FBRSL1: variants seen among roughly 807,000 people sequenced by gnomAD.
The protein encoded by FBRSL1 is fibrosin-1-like protein.
In FBRSL1, 51 loss-of-function variants were observed where a neutral mutation model predicts 89.6. That is an observed-to-expected ratio of 0.57 (90% CI 0.45 to 0.72). FBRSL1 has a LOEUF of 0.72. FBRSL1 is among the 30% of genes least tolerant of loss of function. The pLI is 0.00. For synonymous variants in FBRSL1, 779 were observed against 681.1 expected, an observed-to-expected ratio of 1.14 and a Z score of -2.24; for missense variants, 1,618 against 1,451.8, an observed-to-expected ratio of 1.11 and a Z score of -1.86.
chr12:132,573,060 G>A (rs1008487452), intron 11 of FBRSL1, among the ~76,000 whole-genome samples: 8 of 152,178 alleles, frequency 5.3e-5, no homozygotes, highest in African/African-American at 1.4e-4. Context: ...GTCCACACCC[G>A]CAGGGGACCT....
chr12:132,537,168 C>T (rs560071343), intron 4 of FBRSL1, among the ~76,000 whole-genome samples: 2 of 152,248 alleles, frequency 1.3e-5, no homozygotes, highest in African/African-American at 2.4e-5. Flanking sequence ...GCCGCCCTGT[C>T]GTGTGGTGGG....
chr12:132,514,817 G>A (rs180710028), intron 2 of FBRSL1, among the ~76,000 whole-genome samples: 1 of 152,292 alleles, frequency 6.6e-6, no homozygotes, highest in Admixed American at 6.5e-5. Flanking sequence ...ATAGAGTTAA[G>A]AAGAAATAAG....
At position 132,495,060 on chromosome 12, in the gene FBRSL1, C is replaced by T. The variant is rs60277073; in HGVS notation, c.291+4199C>T. Among the ~76,000 whole-genome samples the T allele has an allele frequency of 0.011, 1,737 of 152,320 alleles. 43 individuals carry two copies. In the East Asian group the frequency reaches 0.11, roughly 10 times the overall value. ...AACCCTGGTGGGCATAGGGTGTGAG[C>T]CTGGAGCCGGTGGGCCTTGGCCAAG... On this transcript the variant is annotated intron_variant, in intron 1 of 18. Coordinates refer to ENST00000680143, the MANE Select transcript of FBRSL1 (RefSeq NM_001367871.1).
At chr12:132,557,248 C>G (rs1329273031) in intron 5 of FBRSL1, among the ~76,000 whole-genome samples, 1 of 152,214 alleles carries the variant, frequency 6.6e-6, no homozygotes, top group Admixed American at 6.5e-5. Context: ...TGAACACCAC[C>G]GTCAAGTCCC....
At chr12:132,550,418 C>T (rs2038059872) in intron 5 of FBRSL1, among the ~76,000 whole-genome samples, 1 of 152,168 alleles carries the variant, frequency 6.6e-6, no homozygotes. Context: ...AAAGCGGGGG[C>T]ACGGTGCTGG....
At chr12:132,506,606 G>A (rs1015275863) in intron 1 of FBRSL1, among the ~76,000 whole-genome samples, 4 of 152,268 alleles carry the variant, frequency 2.6e-5, no homozygotes, top group East Asian at 1.9e-4. Context: ...GCAAACAGCC[G>A]TTCTCTGGGC....
At chr12:132,528,099 C>T (rs919881954) in intron 4 of FBRSL1, 111 bp downstream of exon 4, 59 of 961,942 alleles carry the variant, frequency 6.1e-5, no homozygotes, top group Non-Finnish European at 8.6e-5. Context: ...GTCCCGTGCC[C>T]GCTTTCCCTC....
chr12:132,576,706 T>A, intron 14 of FBRSL1, 93 bp from the exon 15 acceptor site: 1 of 1,426,536 alleles, frequency 7.0e-7, no homozygotes, highest in Admixed American at 2.3e-5. Flanking sequence ...CTGGACTGGC[T>A]CACACCCAGT....
chr12:132,536,897 G>A lies in FBRSL1; in HGVS notation c.615+8909G>A, dbSNP rs552182370. On this transcript the variant is annotated intron_variant, in intron 4 of 18. Transcript: ENST00000680143. Reference sequence around the variant, plus strand: ...AATGTATGTGGCTGTGCACATGTGTGTACGTAACGGTGTCTTTGCATGCAT... The same window carrying A: ...AATGTATGTGGCTGTGCACATGTGTATACGTAACGGTGTCTTTGCATGCAT... Among the ~76,000 whole-genome samples the A allele has an allele frequency of 9.8e-5, 15 of 152,364 alleles. No homozygotes were observed. The East Asian group carries it at 2.7e-3, about 27-fold the overall frequency.
At chr12:132,571,029 T>C in intron 8 of FBRSL1, 39 bp from the exon 9 acceptor site, 1 of 1,274,224 alleles carries the variant, frequency 7.8e-7, no homozygotes, top group Non-Finnish European at 9.9e-7. Context: ...GGACCCTGGC[T>C]CCCGGGGAGG....
At position 132,583,801 on chromosome 12, in the gene FBRSL1, CCGAG is replaced by C; in HGVS notation, c.*26_*29del. 1 of 1,184,068 alleles carries C rather than the reference CCGAG, an allele frequency of 8.4e-7. No homozygotes were observed. The highest frequency in any genetic ancestry group is 1.6e-5 in the African/African-American group (1 of 63,218). The allele number at this position is 1,184,068 out of a possible 1,614,324, so 73.3% of individuals were successfully genotyped here. A position where few individuals can be genotyped will look rare whatever the true frequency, so the allele number is the denominator to read the frequency against. Reference sequence around the variant, plus strand: ...TAGCCCCGGGGCCGCAGACGCCTCTCCGAGCGGAGCGCACCGCTGTCCGTCTCTC... The same window carrying C: ...TAGCCCCGGGGCCGCAGACGCCTCTCCGGAGCGCACCGCTGTCCGTCTCTC... On this transcript the variant is annotated 3_prime_UTR_variant, in exon 19 of 19. Transcript: ENST00000680143.
At chr12:132,521,013 C>T (rs1326809917) in intron 2 of FBRSL1, among the ~76,000 whole-genome samples, 1 of 152,204 alleles carries the variant, frequency 6.6e-6, no homozygotes, top group African/African-American at 2.4e-5. Context: ...CCTGCCCTGC[C>T]CTGCCCTGAG....
chr12:132,525,194 C>T (rs1293642498), intron 2 of FBRSL1, among the ~76,000 whole-genome samples: 1 of 152,226 alleles, frequency 6.6e-6, no homozygotes, highest in East Asian at 1.9e-4. Flanking sequence ...ACCACCACCT[C>T]GCTGCTTGCT....
At chr12:132,549,329 G>A (rs980654526) in intron 5 of FBRSL1, among the ~76,000 whole-genome samples, 2 of 152,168 alleles carry the variant, frequency 1.3e-5, no homozygotes, top group Non-Finnish European at 2.9e-5. Context: ...GCGTCCTGGT[G>A]GTCACAAAGC....
chr12:132,538,484 T>G (rs9788225), intron 4 of FBRSL1, among the ~76,000 whole-genome samples: 1 of 152,048 alleles, frequency 6.6e-6, no homozygotes, highest in South Asian at 2.1e-4. Context: ...GGGCCTCCAG[T>G]GGGCGACGCA....
rs2030649414 is a variant in FBRSL1 at position 132,490,486 on chromosome 12, G to GCGC, written c.-81_-79dup. Reference sequence around the variant, plus strand: ...CGCGCGGCGCACACTCAGCCCGGCGGCGCCGCGTAGCCGAGGGAGCCCGCC... The same window carrying GCGC: ...CGCGCGGCGCACACTCAGCCCGGCGGCGCCGCCGCGTAGCCGAGGGAGCCCGCC... On this transcript the variant is annotated 5_prime_UTR_variant, in exon 1 of 19. Transcript: ENST00000680143. The GCGC allele has an allele frequency of 1.1e-6, 1 of 914,018 alleles. No individual in the cohort carries two copies. The highest frequency in any genetic ancestry group is 1.3e-6 in the Non-Finnish European group (1 of 769,172). The allele number at this position is 914,018 out of a possible 1,614,324, so 56.6% of individuals were successfully genotyped here.
intron 1 of FBRSL1, among the ~76,000 whole-genome samples, chr12:132,498,420 G>A (rs566460219): frequency 4.6e-5 from 7 of 152,282 alleles, no homozygotes; most frequent in South Asian, 2.1e-4. Flanking sequence ...ACAGGCTGTC[G>A]AGGACCGCAG....
rs918697491 is a variant in FBRSL1, at chr12:132,510,397, G to A, written c.489+2047G>A. On this transcript the variant is annotated intron_variant, in intron 2 of 18. Transcript: ENST00000680143. Reference sequence around the variant, plus strand: ...CTGCGGTCCCGGTGGACCCGATCCTGTGCCCCCGGGATGGCCCGTCAGGCC... The same window carrying A: ...CTGCGGTCCCGGTGGACCCGATCCTATGCCCCCGGGATGGCCCGTCAGGCC... 1.9e-5 allele frequency: 24 copies of A among 1,231,858 alleles called. No individual in the cohort carries two copies. The African/African-American group carries it at 3.4e-4, about 18-fold the overall frequency. 76.3% of individuals were successfully genotyped at this position (1,231,858 alleles called of 1,614,324 possible). A position where few individuals can be genotyped will look rare whatever the true frequency, so the allele number is the denominator to read the frequency against.
intron 4 of FBRSL1, among the ~76,000 whole-genome samples, chr12:132,534,458 C>T (rs2036548258): frequency 6.6e-6 from 1 of 152,274 alleles, no homozygotes; most frequent in South Asian, 2.1e-4. Flanking sequence ...CTGTCGCACC[C>T]TCTGCCAGGG....
Sources: allele counts gnomAD v4.1 joint callset (sites outside exome capture counted in the v4.1 genomes callset), GRCh38; gene constraint gnomAD v4.1.1; transcripts MANE v1.5; gene names NCBI Gene and HGNC (gene_info 2026-07-23, HGNC 2026-07-21).